The following GPM6A variants were observed in gnomAD, a reference collection of about 807,000 sequenced individuals.
GPM6A encodes glycoprotein M6A.
GPM6A carries 7 observed loss-of-function variants against 32.1 expected under a neutral mutation model. The observed-to-expected ratio is 0.22, with a 90% CI of 0.12 to 0.41. The LOEUF is 0.41. Ranked by LOEUF, GPM6A falls within the 10% of genes least tolerant of loss-of-function variation. GPM6A has a pLI of 1.00. For synonymous variants in GPM6A, 130 were observed against 123.4 expected (o/e 1.05, Z -0.35); for missense variants, 235 against 347.2 (o/e 0.68, Z 2.57).
chr4:175,931,540 T>TA (rs1427674598), intron 1 of GPM6A, among the ~76,000 whole-genome samples: 20 of 151,810 alleles, frequency 1.3e-4, no homozygotes, highest in Non-Finnish European at 4.4e-5. Context: ...GTTGAAGAAA[T>TA]AAAAAAACTG....
At chr4:175,925,783 T>C (rs570788790) in intron 1 of GPM6A, among the ~76,000 whole-genome samples, 2 of 152,156 alleles carry the variant, frequency 1.3e-5, no homozygotes, top group African/African-American at 4.8e-5. Context: ...CAGCTGTAGT[T>C]GTCAAAATTT....
rs567298548 is a variant in GPM6A at position 175,900,227 on chromosome 4, C to T, written c.-22-87978G>A. 1.2e-4 allele frequency among the ~76,000 whole-genome samples: 17 copies of T among 146,940 alleles called. No individual in the cohort carries two copies. In the South Asian group the frequency reaches 3.6e-3, roughly 32 times the overall value. Reference sequence around the variant, plus strand: ...GGCGGAGGTTGCAGTGAGCCAAGATCGCACCACTGCACTCCAGTCTGGGTG... The same window carrying T: ...GGCGGAGGTTGCAGTGAGCCAAGATTGCACCACTGCACTCCAGTCTGGGTG... On this transcript the variant is annotated intron_variant, in intron 1 of 7. Transcript: ENST00000280187.
intron 1 of GPM6A, among the ~76,000 whole-genome samples, chr4:175,824,091 A>G (rs774697059): frequency 6.6e-6 from 1 of 152,238 alleles, no homozygotes; most frequent in Non-Finnish European, 1.5e-5. Flanking sequence ...AAATAGGCCC[A>G]CATCCTGGGT....
intron 1 of GPM6A, among the ~76,000 whole-genome samples, chr4:175,740,580 A>T (rs1468688109): frequency 1.3e-5 from 2 of 152,058 alleles, no homozygotes; most frequent in Non-Finnish European, 2.9e-5. Flanking sequence ...ATATCTTAAT[A>T]GTGATACATT....
intron 1 of GPM6A, among the ~76,000 whole-genome samples, chr4:175,803,351 T>G (rs906163667): frequency 6.6e-6 from 1 of 152,130 alleles, no homozygotes; most frequent in South Asian, 2.1e-4. Flanking sequence ...ATATGCCATA[T>G]AGTAAGTGAC....
intron 1 of GPM6A, among the ~76,000 whole-genome samples, chr4:175,774,873 T>TAA (rs199527993): frequency 0.02 from 3,066 of 152,210 alleles, 54 homozygotes; most frequent in Non-Finnish European, 0.031. Flanking sequence ...TGATGCTATA[T>TAA]AAAAAAATTC....
chr4:175,926,855 G>A (rs1251996827), intron 1 of GPM6A, among the ~76,000 whole-genome samples: 1 of 152,076 alleles, frequency 6.6e-6, no homozygotes, highest in African/African-American at 2.4e-5. Flanking sequence ...TAAATTGAAC[G>A]TAGAGTCAGA....
intron 1 of GPM6A, among the ~76,000 whole-genome samples, chr4:175,966,486 C>T (rs1027154551): frequency 7.3e-5 from 11 of 150,926 alleles, no homozygotes; most frequent in Non-Finnish European, 1.2e-4. Context: ...GTATGATGGT[C>T]TTTGGAGGTG....
chr4:175,767,178 T>C (rs1733006082), intron 1 of GPM6A, among the ~76,000 whole-genome samples: 1 of 152,184 alleles, frequency 6.6e-6, no homozygotes, highest in Non-Finnish European at 1.5e-5. Flanking sequence ...AGTGGGCACA[T>C]CAGTTCTCCT....
At chr4:175,787,938 A>G (rs2111267105) in intron 1 of GPM6A, 1 of 152,466 alleles carries the variant, frequency 6.6e-6, no homozygotes, top group East Asian at 1.9e-4. Context: ...TGAAGACGAA[A>G]AAAGTCATAC....
At chr4:175,777,377 T>TA (rs751465439) in intron 1 of GPM6A, among the ~76,000 whole-genome samples, 2 of 152,038 alleles carry the variant, frequency 1.3e-5, no homozygotes, top group African/African-American at 2.4e-5. Flanking sequence ...GAGTAGACAG[T>TA]AAAAAAATTA....
intron 2 of GPM6A, among the ~76,000 whole-genome samples, chr4:175,691,534 T>G (rs1744298457): frequency 6.6e-6 from 1 of 152,220 alleles, no homozygotes; most frequent in Non-Finnish European, 1.5e-5. Context: ...TATACCACTT[T>G]GAAAACTTCC....
intron 1 of GPM6A, among the ~76,000 whole-genome samples, chr4:175,889,553 C>T (rs781686238): frequency 1.3e-5 from 2 of 149,900 alleles, no homozygotes; most frequent in Non-Finnish European, 1.5e-5. Flanking sequence ...CAGTGGCTCG[C>T]GCCTGTAATC....
intron 4 of GPM6A, among the ~76,000 whole-genome samples, chr4:175,649,077 A>G (rs899001364): frequency 6.6e-6 from 1 of 152,188 alleles, no homozygotes; most frequent in African/African-American, 2.4e-5. Flanking sequence ...GTAGAAAATA[A>G]TTGTGCTAAG....
intron 1 of GPM6A, among the ~76,000 whole-genome samples, chr4:175,757,646 T>C (rs1264862619): frequency 6.6e-6 from 1 of 152,166 alleles, no homozygotes; most frequent in Non-Finnish European, 1.5e-5. Flanking sequence ...ACCCATCATG[T>C]ACACAATCAG....
Position 175,746,077 on chromosome 4 carries a change from T to C in GPM6A, c.38-44310A>G, listed in dbSNP as rs564531124. Among the ~76,000 whole-genome samples the C allele has an allele frequency of 2.2e-4, 33 of 152,252 alleles. No individual in the cohort carries two copies. The South Asian group carries it at 6.8e-3, about 32-fold the overall frequency. On this transcript the variant is annotated intron_variant, in intron 1 of 6. Coordinates refer to ENST00000393658, the MANE Select transcript of GPM6A (RefSeq NM_201591.3). Reference sequence around the variant, plus strand: ...AATAAAAGAAAATCAATTCATCACCTGCTAAACTGAAAGTGGACATTTTGA... The same window carrying C: ...AATAAAAGAAAATCAATTCATCACCCGCTAAACTGAAAGTGGACATTTTGA...
Position 175,757,204 on chromosome 4 carries a change from A to T in GPM6A, c.37+54987T>A, listed in dbSNP as rs145437376. Among the ~76,000 whole-genome samples the T allele has an allele frequency of 4.0e-4, 61 of 152,124 alleles. No homozygotes were observed. In the East Asian group the frequency reaches 5.8e-3, roughly 14 times the overall value. On this transcript the variant is annotated intron_variant, in intron 1 of 6. Transcript: ENST00000393658. Reference sequence around the variant, plus strand: ...CCCTAGGAGAAGTCAGAGCGAAGCTATGAGGAGGCACAGGCATTCCCGTCT... The same window carrying T: ...CCCTAGGAGAAGTCAGAGCGAAGCTTTGAGGAGGCACAGGCATTCCCGTCT...
intron 6 of GPM6A, among the ~76,000 whole-genome samples, chr4:175,637,476 C>CAT (rs1311263844): frequency 9.9e-5 from 1 of 10,092 alleles, no homozygotes; most frequent in African/African-American, 2.7e-4. Context: ...CCAGTAACCT[C>CAT]ATATATATAT....
At chr4:175,929,360 A>G (rs1280103610) in intron 1 of GPM6A, among the ~76,000 whole-genome samples, 3 of 152,226 alleles carry the variant, frequency 2.0e-5, no homozygotes, top group Non-Finnish European at 4.4e-5. Flanking sequence ...CGCCAGGAGT[A>G]CTTTGTACTT....
Sources: gnomAD v4.1 joint callset for allele counts (sites outside exome capture counted in the v4.1 genomes callset) on GRCh38, gnomAD v4.1.1 for gene constraint, MANE v1.5 for transcripts, NCBI Gene and HGNC (gene_info 2026-07-23, HGNC 2026-07-21) for gene names.